MARCHF1: variants seen among roughly 807,000 people sequenced by gnomAD.
The protein encoded by MARCHF1 is E3 ubiquitin-protein ligase MARCHF1.
Under a neutral mutation model 54.2 loss-of-function variants are expected in MARCHF1, and 40 were observed. The ratio of observed to expected loss-of-function variants is 0.74; its 90% CI spans 0.57 to 0.96. MARCHF1 has a LOEUF of 0.96. MARCHF1 is among the 40% of genes least tolerant of loss of function. MARCHF1 has a pLI of 0.00. For synonymous variants in MARCHF1, 236 were observed against 236.3 expected (o/e 1.00, Z 0.01); for missense variants, 586 against 656.5 (o/e 0.89, Z 1.17).
intron 1 of MARCHF1, among the ~76,000 whole-genome samples, chr4:164,224,060 A>G (rs80026716): frequency 0.019 from 2,865 of 150,610 alleles, 87 homozygotes; most frequent in East Asian, 0.12. Context: ...CATATACACT[A>G]TCCTCTAGTC....
At chr4:163,813,912 A>G (rs542193689) in intron 4 of MARCHF1, among the ~76,000 whole-genome samples, 1 of 152,230 alleles carries the variant, frequency 6.6e-6, no homozygotes, top group African/African-American at 2.4e-5. Context: ...ACCAAGCTCT[A>G]TGCCAAAGGG....
intron 1 of MARCHF1, among the ~76,000 whole-genome samples, chr4:164,340,712 C>T (rs1393529696): frequency 1.3e-5 from 2 of 151,752 alleles, no homozygotes; most frequent in African/African-American, 4.8e-5. Flanking sequence ...CATAAGCCAG[C>T]ATGCCTGGCC....
At chr4:163,832,140 C>T (rs1374649156) in intron 4 of MARCHF1, among the ~76,000 whole-genome samples, 1 of 152,078 alleles carries the variant, frequency 6.6e-6, no homozygotes, top group African/African-American at 2.4e-5. Context: ...AACAAGACAA[C>T]GAGTAAGAGA....
intron 1 of MARCHF1, among the ~76,000 whole-genome samples, chr4:164,149,113 C>T (rs984969628): frequency 1.3e-5 from 2 of 152,164 alleles, no homozygotes; most frequent in African/African-American, 4.8e-5. Context: ...ATCTCCCTTG[C>T]TCCCTCTTGT....
At chr4:164,382,815 G>A (rs988936782) in intron 1 of MARCHF1, among the ~76,000 whole-genome samples, 2 of 152,126 alleles carry the variant, frequency 1.3e-5, no homozygotes, top group African/African-American at 2.4e-5. Flanking sequence ...TCTAAACTAA[G>A]GTACCTGAGC....
intron 4 of MARCHF1, among the ~76,000 whole-genome samples, chr4:163,817,215 C>T (rs952980003): frequency 6.6e-6 from 1 of 152,030 alleles, no homozygotes; most frequent in Non-Finnish European, 1.5e-5. Context: ...CCCAATTTTA[C>T]CACTGCTTGT....
intron 1 of MARCHF1, among the ~76,000 whole-genome samples, chr4:164,173,102 C>A (rs539105524): frequency 1.3e-5 from 2 of 151,870 alleles, no homozygotes; most frequent in Non-Finnish European, 2.9e-5. Flanking sequence ...AAACCAAATA[C>A]GTATTTCCAA....
At chr4:163,981,027 C>A (rs1232675396) in intron 3 of MARCHF1, among the ~76,000 whole-genome samples, 2 of 152,156 alleles carry the variant, frequency 1.3e-5, no homozygotes, top group African/African-American at 2.4e-5. Context: ...TAGAATCTGA[C>A]CATGTGTGAA....
intron 4 of MARCHF1, among the ~76,000 whole-genome samples, chr4:163,840,051 C>A (rs1357636280): frequency 6.6e-6 from 1 of 152,040 alleles, no homozygotes; most frequent in African/African-American, 2.4e-5. Flanking sequence ...ATTTTATAGA[C>A]ATTAAGTGAA....
At chr4:163,546,320 A>G (rs555265309) in intron 8 of MARCHF1, among the ~76,000 whole-genome samples, 2 of 152,280 alleles carry the variant, frequency 1.3e-5, no homozygotes, top group Admixed American at 6.5e-5. Context: ...ATAATTTTCT[A>G]TTCTCCAAAT....
At chr4:163,866,505 AATAT>A (rs1440768199) in intron 3 of MARCHF1, among the ~76,000 whole-genome samples, 1 of 112,244 alleles carries the variant, frequency 8.9e-6, no homozygotes, top group African/African-American at 2.7e-5. Flanking sequence ...TAGTTTATAT[AATAT>A]ATATAATAAT....
chr4:164,356,780 C>CAAAAAAAAAAAAAAAAAAAAAA (rs58855405), intron 1 of MARCHF1, among the ~76,000 whole-genome samples: 1 of 103,270 alleles, frequency 9.7e-6, no homozygotes, highest in African/African-American at 3.5e-5. Context: ...AAAAGAAAAG[C>CAAAAAAAAAAAAAAAAAAAAAA]AAAAAAAAAA....
At chr4:163,935,702 C>CTTTTTTTTTTTTTTTTTT (rs34331599) in intron 3 of MARCHF1, among the ~76,000 whole-genome samples, 1 of 125,756 alleles carries the variant, frequency 8.0e-6, no homozygotes. Context: ...TGCTTGCTTT[C>CTTTTTTTTTTTTTTTTTT]TTTTTTTTTT....
At chr4:164,289,070 C>T (rs985986902) in intron 1 of MARCHF1, among the ~76,000 whole-genome samples, 2 of 152,022 alleles carry the variant, frequency 1.3e-5, no homozygotes, top group African/African-American at 4.8e-5. Context: ...TTGCTACACT[C>T]ATTTTTCCCT....
chr4:164,188,542 C>A (rs1014305905), intron 1 of MARCHF1: 4 of 735,480 alleles, frequency 5.4e-6, no homozygotes, highest in Non-Finnish European at 1.0e-5. Flanking sequence ...TCACCGCCAA[C>A]AATCAGAGCA....
At chr4:164,165,153 A>C (rs927999125) in intron 1 of MARCHF1, among the ~76,000 whole-genome samples, 4 of 152,018 alleles carry the variant, frequency 2.6e-5, no homozygotes, top group African/African-American at 9.7e-5. Flanking sequence ...TTTTTCTAGT[A>C]AAAGCTCTGA....
chr4:164,248,804 T>A (rs975642806), intron 1 of MARCHF1, among the ~76,000 whole-genome samples: 1 of 152,048 alleles, frequency 6.6e-6, no homozygotes, highest in East Asian at 1.9e-4. Flanking sequence ...TACATGTATT[T>A]CTTCCTATAA....
At chr4:163,609,609 G>C (rs1231794427) in intron 7 of MARCHF1, among the ~76,000 whole-genome samples, 1 of 49,422 alleles carries the variant, frequency 2.0e-5, no homozygotes, top group Admixed American at 2.5e-4. Context: ...AGGTCTTTCT[G>C]TGTGTGTGTG....
chr4:163,918,519 C>T (rs1014428086), intron 3 of MARCHF1, among the ~76,000 whole-genome samples: 8 of 152,084 alleles, frequency 5.3e-5, no homozygotes, highest in African/African-American at 1.7e-4. Flanking sequence ...GAAATGTAGC[C>T]TATCTGATTG....
Sources: gnomAD v4.1 joint callset for allele counts (sites outside exome capture counted in the v4.1 genomes callset) on GRCh38, gnomAD v4.1.1 for gene constraint, MANE v1.5 for transcripts, NCBI Gene and HGNC (gene_info 2026-07-23, HGNC 2026-07-21) for gene names.